The following ZNF704 variants were observed in gnomAD, a reference collection of about 807,000 sequenced individuals.
ZNF704 encodes the protein glucocorticoid induced gene 1.
ZNF704 carries 10 observed loss-of-function variants against 44.7 expected under a neutral mutation model. The observed-to-expected ratio is 0.22, with a 90% CI of 0.14 to 0.38. The LOEUF (loss-of-function observed/expected upper bound fraction) is 0.38. ZNF704 is among the 10% of genes least tolerant of loss of function. The pLI is 1.00. For synonymous variants in ZNF704, 211 were observed against 207.6 expected (o/e 1.02, Z -0.14); for missense variants, 390 against 545.5 (o/e 0.71, Z 2.84).
intron 2 of ZNF704, among the ~76,000 whole-genome samples, chr8:80,776,349 C>T (rs1195939637): frequency 1.3e-5 from 2 of 152,132 alleles, no homozygotes; most frequent in Non-Finnish European, 2.9e-5. Flanking sequence ...AAAATAGGAG[C>T]ATGTCTGCAC....
At chr8:80,741,652 T>C (rs1806758848) in intron 2 of ZNF704, among the ~76,000 whole-genome samples, 1 of 152,204 alleles carries the variant, frequency 6.6e-6, no homozygotes, top group Middle Eastern at 3.2e-3. Flanking sequence ...TGCGCACTTG[T>C]GCAACTCTTA....
intron 3 of ZNF704, among the ~76,000 whole-genome samples, chr8:80,690,886 GTAATCTCA>G (rs1818622413): frequency 6.6e-6 from 1 of 152,172 alleles, no homozygotes; most frequent in African/African-American, 2.4e-5. Context: ...GCACATGCCA[GTAATCTCA>G]GCTACTTGGG....
intron 2 of ZNF704, among the ~76,000 whole-genome samples, chr8:80,703,293 C>T (rs577634285): frequency 6.6e-6 from 1 of 152,080 alleles, no homozygotes; most frequent in Non-Finnish European, 1.5e-5. Context: ...TTCTACTTAC[C>T]CTTAGTACTC....
chr8:80,809,005 C>T (rs1235929537), intron 2 of ZNF704, among the ~76,000 whole-genome samples: 4 of 152,182 alleles, frequency 2.6e-5, no homozygotes, highest in Non-Finnish European at 4.4e-5. Flanking sequence ...TAAAACCTTG[C>T]ATCCAGCTGG....
chr8:80,787,649 T>C (rs1047623818), intron 2 of ZNF704, among the ~76,000 whole-genome samples: 3 of 152,176 alleles, frequency 2.0e-5, no homozygotes, highest in Admixed American at 6.5e-5. Flanking sequence ...CGAGTTTTTA[T>C]TGCCTCATGT....
intron 7 of ZNF704, among the ~76,000 whole-genome samples, chr8:80,651,358 A>G (rs1326765670): frequency 7.2e-5 from 11 of 152,384 alleles, no homozygotes. Flanking sequence ...TCCAATTAAA[A>G]GACACAGACT....
At chr8:80,798,352 T>C (rs1415195282) in intron 2 of ZNF704, among the ~76,000 whole-genome samples, 2 of 151,852 alleles carry the variant, frequency 1.3e-5, no homozygotes, top group Non-Finnish European at 2.9e-5. Flanking sequence ...GCCTCCCAGG[T>C]TCAAGTGATT....
At chr8:80,747,324 G>A (rs1806863843) in intron 2 of ZNF704, among the ~76,000 whole-genome samples, 1 of 151,806 alleles carries the variant, frequency 6.6e-6, no homozygotes. Context: ...CAAGCTAATT[G>A]AAAAGCCCTG....
chr8:80,809,136 CAA>C (rs1808042213), intron 2 of ZNF704, among the ~76,000 whole-genome samples: 1 of 152,122 alleles, frequency 6.6e-6, no homozygotes, highest in African/African-American at 2.4e-5. Context: ...ACTACAAACA[CAA>C]AAGTTAGCCA....
intron 4 of ZNF704, among the ~76,000 whole-genome samples, chr8:80,686,143 T>C (rs932514965): frequency 2.0e-5 from 3 of 152,124 alleles, no homozygotes; most frequent in Non-Finnish European, 4.4e-5. Flanking sequence ...CTAAAGAGAA[T>C]GAAAAGAATA....
At chr8:80,872,851 C>T (rs10091018) in intron 1 of ZNF704, among the ~76,000 whole-genome samples, 140 of 152,194 alleles carry the variant, frequency 9.2e-4, no homozygotes, top group African/African-American at 3.3e-3. Context: ...CTGGTTTCCT[C>T]TTTTTTTCTC....
chr8:80,884,266 G>A, the ZNF704 span, among the ~76,000 whole-genome samples: 1 of 152,212 alleles, frequency 6.6e-6, no homozygotes, highest in Non-Finnish European at 1.5e-5. Flanking sequence ...GGCAGTGGGT[G>A]GAGCAGCCTT....
At chr8:80,808,508 G>T (rs1275733517) in intron 2 of ZNF704, among the ~76,000 whole-genome samples, 2 of 152,198 alleles carry the variant, frequency 1.3e-5, no homozygotes, top group Non-Finnish European at 2.9e-5. Context: ...TGTTAGGAAT[G>T]AGTCAAAAGA....
chr8:80,720,904 T>C (rs1289230743), intron 2 of ZNF704, among the ~76,000 whole-genome samples: 2 of 152,236 alleles, frequency 1.3e-5, no homozygotes, highest in Admixed American at 1.3e-4. Context: ...CAGCCTGCCA[T>C]GCCTGGGCCA....
rs1817808178 is a variant in ZNF704 at position 80,645,140 on chromosome 8, T to C, written c.1033-2011A>G. On this transcript the variant is annotated intron_variant, in intron 7 of 8. Coordinates refer to ENST00000327835, the MANE Select transcript of ZNF704 (RefSeq NM_001033723.3). ...GATACTCAAACTCCTCGTCGTCGTA[T>C]TTGTCCAAATAGTAAATTTGTTTGT... 4.4e-6 allele frequency: 7 copies of C among 1,607,576 alleles called. No individual in the cohort carries two copies. The South Asian group carries it at 7.8e-5, about 18-fold the overall frequency.
intron 1 of ZNF704, among the ~76,000 whole-genome samples, chr8:80,870,827 C>T (rs137975199): frequency 4.6e-5 from 7 of 152,242 alleles, no homozygotes; most frequent in Admixed American, 2.6e-4. Flanking sequence ...CTCCTATCCA[C>T]TCCCCATCTC....
intron 7 of ZNF704, among the ~76,000 whole-genome samples, chr8:80,655,127 T>C (rs1025913427): frequency 4.0e-5 from 6 of 148,840 alleles, no homozygotes; most frequent in African/African-American, 1.0e-4. Context: ...CACTCATAGA[T>C]GGGAATTGAA....
chr8:80,849,599 C>G (rs1324301474), intron 1 of ZNF704, among the ~76,000 whole-genome samples: 1 of 152,196 alleles, frequency 6.6e-6, no homozygotes, highest in African/African-American at 2.4e-5. Flanking sequence ...ATAGTATAAA[C>G]TTGGCAACCA....
At chr8:80,848,905 T>C (rs1808812488) in intron 1 of ZNF704, among the ~76,000 whole-genome samples, 1 of 152,224 alleles carries the variant, frequency 6.6e-6, no homozygotes. Flanking sequence ...ATTATACTAT[T>C]AGTTAAGAGC....
Sources: gnomAD v4.1 joint callset for allele counts (sites outside exome capture counted in the v4.1 genomes callset) on GRCh38, gnomAD v4.1.1 for gene constraint, MANE v1.5 for transcripts, NCBI Gene and HGNC (gene_info 2026-07-23, HGNC 2026-07-21) for gene names.